Variants in WASL observed in about 807,000 individuals in gnomAD.
WASL encodes the protein actin nucleation-promoting factor WASL.
In WASL, 20 loss-of-function variants were observed where a neutral mutation model predicts 55.5. The ratio of observed to expected loss-of-function variants is 0.36; its 90% CI spans 0.25 to 0.52. WASL has a LOEUF of 0.52. WASL is among the 20% of genes least tolerant of loss of function. The pLI is 0.92. For synonymous variants in WASL, 249 were observed against 217.6 expected (o/e 1.14, Z -1.27); for missense variants, 504 against 622.5 (o/e 0.81, Z 2.03).
intron 10 of WASL, among the ~76,000 whole-genome samples, chr7:123,687,070 G>A (rs768101404): frequency 6.6e-6 from 1 of 151,838 alleles, no homozygotes; most frequent in South Asian, 2.1e-4. Flanking sequence ...CTTTTTCTTC[G>A]TAAGTCTTTC....
At position 123,727,383 on chromosome 7, in the gene WASL, A is replaced by AC. The variant is rs3035631; in HGVS notation, c.118-18161_118-18160insG. 1.8e-4 allele frequency among the ~76,000 whole-genome samples: 28 copies of AC among 151,980 alleles called. No homozygotes were observed. The East Asian group carries it at 3.5e-3, about 19-fold the overall frequency. ...CACACACACACACACACACACACAC[A>AC]AACTTATACAAGAACACAGGAGCCT... On this transcript the variant is annotated intron_variant, in intron 1 of 10. Transcript: ENST00000223023.
In WASL at chr7:123,696,529, C is replaced by T. The variant is rs375283154; in HGVS notation, c.629+50G>A. 1.1e-4 allele frequency: 156 copies of T among 1,458,822 alleles called. No individual in the cohort carries two copies. In the African/African-American group the frequency reaches 1.2e-3, roughly 11 times the overall value. 90.4% of individuals were successfully genotyped at this position (1,458,822 alleles called of 1,614,324 possible). On this transcript the variant is annotated intron_variant, in intron 6 of 10. Transcript: ENST00000223023. Reference sequence around the variant, plus strand: ...CTAACAAGTTAAAAATCAAGAACAGCAATGAATAAATCAAAAGTGAAGATA... The same window carrying T: ...CTAACAAGTTAAAAATCAAGAACAGTAATGAATAAATCAAAAGTGAAGATA...
At chr7:123,746,431 A>C (rs1009357009) in intron 1 of WASL, among the ~76,000 whole-genome samples, 2 of 152,208 alleles carry the variant, frequency 1.3e-5, no homozygotes, top group African/African-American at 4.8e-5. Flanking sequence ...TGCTGGATTT[A>C]TTATGAGACA....
intron 1 of WASL, among the ~76,000 whole-genome samples, chr7:123,726,245 T>G (rs1195655503): frequency 6.6e-6 from 1 of 152,086 alleles, no homozygotes; most frequent in Admixed American, 6.5e-5. Context: ...GTCAATTCAA[T>G]GACAAAAGAT....
intron 1 of WASL, among the ~76,000 whole-genome samples, chr7:123,732,897 A>C (rs1213970699): frequency 6.6e-6 from 1 of 152,244 alleles, no homozygotes; most frequent in Non-Finnish European, 1.5e-5. Flanking sequence ...AAAGTCAACT[A>C]ATATAACCTA....
At position 123,684,140 on chromosome 7, in the gene WASL, G is replaced by GA. The variant is rs1393560202; in HGVS notation, c.*378dup. On this transcript the variant is annotated 3_prime_UTR_variant, in exon 11 of 11. Coordinates refer to ENST00000223023, the MANE Select transcript of WASL (RefSeq NM_003941.4). ...AGTGCTATACTAGATTTTTTTTTAA[G>GA]AAAATTTAGGTACAGAAAAAGTAGG... is the stretch of plus-strand genomic sequence containing the variant. 1 of 151,922 alleles carries GA rather than the reference G, an allele frequency of 6.6e-6. No homozygotes were observed. The highest frequency in any genetic ancestry group is 1.5e-5 in the Non-Finnish European group (1 of 67,986). 9.4% of individuals were successfully genotyped at this position (151,922 alleles called of 1,614,324 possible).
At chr7:123,721,215 T>C (rs1803937691) in intron 1 of WASL, among the ~76,000 whole-genome samples, 1 of 152,232 alleles carries the variant, frequency 6.6e-6, no homozygotes, top group South Asian at 2.1e-4. Flanking sequence ...TCTTCCATAT[T>C]TGTTATTCTA....
chr7:123,709,437 A>G (rs1584863240), intron 1 of WASL, among the ~76,000 whole-genome samples: 1 of 152,248 alleles, frequency 6.6e-6, no homozygotes, highest in Non-Finnish European at 1.5e-5. Flanking sequence ...CAATAATCAC[A>G]TAACAATAAT....
At chr7:123,733,984 G>A (rs769748431) in intron 1 of WASL, among the ~76,000 whole-genome samples, 13 of 149,520 alleles carry the variant, frequency 8.7e-5, no homozygotes, top group Non-Finnish European at 1.8e-4. Flanking sequence ...AACTCAAAAC[G>A]GATGAGAGAT....
In WASL at chr7:123,740,219, T is replaced by TTA. The variant is rs201204724; in HGVS notation, c.117+8397_117+8398dup. The stretch of plus-strand genomic sequence containing the variant: ...TCAGATATATCTCATATATTATCTT[T>TTA]TATATATATATCTTTCATTTGATCA... On this transcript the variant is annotated intron_variant, in intron 1 of 10. Transcript: ENST00000223023. 9.9e-5 allele frequency among the ~76,000 whole-genome samples: 15 copies of TTA among 152,062 alleles called. No homozygotes were observed. In the East Asian group the frequency reaches 1.4e-3, roughly 14 times the overall value.
chr7:123,720,650 ATTTT>A (rs374915810), intron 1 of WASL, among the ~76,000 whole-genome samples: 2 of 137,452 alleles, frequency 1.5e-5, no homozygotes, highest in African/African-American at 2.7e-5. Context: ...ACACTGTGGG[ATTTT>A]TTTTTTTTTT....
At chr7:123,722,110 G>A (rs1803959469) in intron 1 of WASL, among the ~76,000 whole-genome samples, 2 of 152,062 alleles carry the variant, frequency 1.3e-5, no homozygotes, top group Non-Finnish European at 2.9e-5. Context: ...AGCCACAATG[G>A]CTATTCAAAT....
chr7:123,697,708 T>C (rs1009612116), intron 5 of WASL, among the ~76,000 whole-genome samples: 16 of 152,232 alleles, frequency 1.1e-4, no homozygotes, highest in African/African-American at 3.9e-4. Flanking sequence ...TTTAGACTGC[T>C]CTTCTTAGAA....
intron 1 of WASL, among the ~76,000 whole-genome samples, chr7:123,742,002 T>G (rs1040548830): frequency 2.0e-5 from 3 of 152,138 alleles, no homozygotes; most frequent in Non-Finnish European, 4.4e-5. Context: ...AAAAGATAAC[T>G]TTTTAAAAAA....
intron 1 of WASL, among the ~76,000 whole-genome samples, chr7:123,722,448 C>A (rs1803963998): frequency 6.6e-6 from 1 of 152,158 alleles, no homozygotes; most frequent in African/African-American, 2.4e-5. Flanking sequence ...TATTTATTAT[C>A]TTAATCATCT....
At position 123,727,209 on chromosome 7, in the gene WASL, A is replaced by G. The variant is rs188189517; in HGVS notation, c.118-17986T>C. 2.7e-3 allele frequency among the ~76,000 whole-genome samples: 416 copies of G among 152,330 alleles called. 1 individual carries two copies. The highest frequency in any genetic ancestry group is 1.9e-3 in the Non-Finnish European group (132 of 68,034). ...ATACTGGAGATGTGGAGCAATGGGA[A>G]GTCTCATACATAGCTGGTGGAAGTG... On this transcript the variant is annotated intron_variant, in intron 1 of 10. Transcript: ENST00000223023.
chr7:123,724,267 C>T (rs1256289723), intron 1 of WASL, among the ~76,000 whole-genome samples: 1 of 152,104 alleles, frequency 6.6e-6, no homozygotes, highest in Non-Finnish European at 1.5e-5. Context: ...GTTATGAACC[C>T]AATATATATC....
intron 1 of WASL, among the ~76,000 whole-genome samples, chr7:123,722,818 A>T (rs11765478): frequency 2.0e-5 from 3 of 151,902 alleles, no homozygotes; most frequent in African/African-American, 4.8e-5. Context: ...ATAACAACAA[A>T]AATAATAATA....
In WASL at chr7:123,694,749, A is replaced by C; in HGVS notation, c.792T>G (p.Gly264=). The change falls in exon 8 of 11, where the codon GGT becomes GGG. Residue 264 remains glycine (G), a synonymous_variant. Transcript: ENST00000223023. ...GCAGTTCATTTTTAACAGCTTCAAC[A>C]CCTCCTGTTTTTTCAATAAAGTCAT... ...VIYDFIEKTG[G]VEAVKNELRR... 1.2e-6 allele frequency: 2 copies of C among 1,612,972 alleles called. No homozygotes were observed. Among genetic ancestry groups the C allele is most frequent in the Non-Finnish European group, 1.7e-6 (2 of 1,179,558 alleles).
Sources: allele counts gnomAD v4.1 joint callset (sites outside exome capture counted in the v4.1 genomes callset), GRCh38; gene constraint gnomAD v4.1.1; transcripts MANE v1.5; gene names NCBI Gene and HGNC (gene_info 2026-07-23, HGNC 2026-07-21).